NFKB1: variants seen among roughly 807,000 people sequenced by gnomAD.
NFKB1 encodes the protein nuclear factor NF-kappa-B p105 subunit.
In NFKB1, 9 loss-of-function variants were observed where a neutral mutation model predicts 105.1. The observed-to-expected ratio is 0.09, with a 90% CI of 0.05 to 0.15. The LOEUF is 0.15. NFKB1 is among the 10% of genes least tolerant of loss of function. The probability of loss-of-function intolerance (pLI) is 1.00; values close to 1 mark genes in which losing one functional copy is unlikely to be tolerated. For synonymous variants in NFKB1, 440 were observed against 442.2 expected, an observed-to-expected ratio of 1.00 and a Z score of 0.06; for missense variants, 830 against 1,203.7, an observed-to-expected ratio of 0.69 and a Z score of 4.59.
chr4:102,539,694 C>G (rs28591630), intron 5 of NFKB1, among the ~76,000 whole-genome samples: 14 of 152,100 alleles, frequency 9.2e-5, no homozygotes, highest in Non-Finnish European at 1.8e-4. Flanking sequence ...TTAGAAATCT[C>G]AGTAGGTAAA....
chr4:102,533,855 A>G lies in NFKB1; in HGVS notation c.129A>G (p.Pro43=). 3 of 1,612,484 alleles carry G rather than the reference A, an allele frequency of 1.9e-6. No homozygotes were observed. Among genetic ancestry groups the G allele is most frequent in the African/African-American group, 2.7e-5 (2 of 74,958 alleles). The change falls in exon 4 of 24, where the codon CCA becomes CCG. Residue 43 remains proline (P), a synonymous_variant. Coordinates refer to ENST00000226574, the MANE Select transcript of NFKB1 (RefSeq NM_003998.4). ...PQMALPTADG[P]YLQILEQPKQ... ...TGTTTTTGTTTTTAGCAGATGGCCCATACCTTCAAATATTAGAGCAACCTA... is the reference window on the plus strand; with the variant it reads ...TGTTTTTGTTTTTAGCAGATGGCCCGTACCTTCAAATATTAGAGCAACCTA...
intron 1 of NFKB1, among the ~76,000 whole-genome samples, chr4:102,514,607 T>TA (rs1232466546): frequency 6.6e-6 from 1 of 152,220 alleles, no homozygotes. Context: ...GCTATTCTGT[T>TA]ATAGCAGCAT....
chr4:102,574,248 A>T (rs1408730196), intron 6 of NFKB1, among the ~76,000 whole-genome samples: 11 of 151,548 alleles, frequency 7.3e-5, no homozygotes, highest in Admixed American at 2.6e-4. Context: ...TATCAGAGAG[A>T]CCAGAGAAAC....
intron 1 of NFKB1, among the ~76,000 whole-genome samples, chr4:102,511,681 G>GAA (rs111514455): frequency 6.8e-6 from 1 of 147,476 alleles, no homozygotes; most frequent in Non-Finnish European, 1.5e-5. Context: ...CTCAAAAAAG[G>GAA]AAAAAAAAAA....
chr4:102,581,393 T>C (rs775793585), intron 9 of NFKB1, among the ~76,000 whole-genome samples: 30 of 152,264 alleles, frequency 2.0e-4, no homozygotes, highest in Non-Finnish European at 2.9e-5. Context: ...AAAAGACATG[T>C]GGCTTTTAAA....
chr4:102,513,131 A>G (rs1434758986), intron 1 of NFKB1, among the ~76,000 whole-genome samples: 1 of 152,224 alleles, frequency 6.6e-6, no homozygotes, highest in African/African-American at 2.4e-5. Flanking sequence ...GTAGCATTAG[A>G]AATGTAGACG....
intron 1 of NFKB1, among the ~76,000 whole-genome samples, chr4:102,511,473 G>A (rs1739776304): frequency 6.6e-6 from 1 of 152,170 alleles, no homozygotes; most frequent in Non-Finnish European, 1.5e-5. Flanking sequence ...CCAGGAATTT[G>A]AGACCAGCAT....
At chr4:102,526,734 T>G (rs1334134853) in intron 2 of NFKB1, among the ~76,000 whole-genome samples, 1 of 152,174 alleles carries the variant, frequency 6.6e-6, no homozygotes, top group Non-Finnish European at 1.5e-5. Context: ...GAATGTGCTT[T>G]GTAAGCATAA....
At chr4:102,611,630 A>C (rs1292278802) in intron 20 of NFKB1, among the ~76,000 whole-genome samples, 1 of 152,198 alleles carries the variant, frequency 6.6e-6, no homozygotes, top group African/African-American at 2.4e-5. Flanking sequence ...AAGTTTATAC[A>C]ATTCATTCTC....
At chr4:102,557,024 G>A (rs1027411950) in intron 5 of NFKB1, 1 of 152,156 alleles carries the variant, frequency 6.6e-6, no homozygotes, top group Admixed American at 6.6e-5. Flanking sequence ...AAAACAGAAT[G>A]GTTAGCCCTG....
chr4:102,561,011 G>A (rs942240965), intron 5 of NFKB1, among the ~76,000 whole-genome samples: 3 of 152,162 alleles, frequency 2.0e-5, no homozygotes, highest in Admixed American at 2.0e-4. Context: ...GGGAAAAGCT[G>A]GGATTGGATC....
intron 4 of NFKB1, among the ~76,000 whole-genome samples, chr4:102,535,669 GA>G (rs572758509): frequency 6.6e-6 from 1 of 152,232 alleles, no homozygotes; most frequent in South Asian, 2.1e-4. Context: ...CAATGCATTT[GA>G]CGACATCTTC....
At chr4:102,596,009 A>G (rs901632768) in intron 13 of NFKB1, 129 bp from the exon 14 acceptor site, 9 of 518,012 alleles carry the variant, frequency 1.7e-5, no homozygotes, top group African/African-American at 1.7e-4. Context: ...AAAGAATTTT[A>G]AATTATTATT....
chr4:102,614,867 A>G (rs4648128), intron 23 of NFKB1, among the ~76,000 whole-genome samples: 4,291 of 152,154 alleles, frequency 0.028, 77 homozygotes, highest in Non-Finnish European at 0.042. Context: ...AATACTGGCT[A>G]CATCTGTCAG....
At chr4:102,524,491 A>G (rs2149111954) in intron 1 of NFKB1, among the ~76,000 whole-genome samples, 1 of 152,288 alleles carries the variant, frequency 6.6e-6, no homozygotes, top group South Asian at 2.1e-4. Context: ...GGCATCAGGG[A>G]CCAGTTTCGT....
At chr4:102,611,533 G>C (rs1312472777) in intron 20 of NFKB1, among the ~76,000 whole-genome samples, 1 of 152,236 alleles carries the variant, frequency 6.6e-6, no homozygotes, top group East Asian at 1.9e-4. Context: ...TTTAGCCTAA[G>C]ACAATTCTGG....
intron 5 of NFKB1, among the ~76,000 whole-genome samples, chr4:102,550,052 A>T (rs2149141918): frequency 6.6e-6 from 1 of 152,070 alleles, no homozygotes; most frequent in Non-Finnish European, 1.5e-5. Context: ...TGGTTTTTTT[A>T]AAAGAGCTTT....
intron 19 of NFKB1, among the ~76,000 whole-genome samples, chr4:102,608,430 C>T (rs1244854710): frequency 6.6e-6 from 1 of 152,220 alleles, no homozygotes; most frequent in East Asian, 1.9e-4. Flanking sequence ...AATCACACTT[C>T]GGCAGTGTGA....
chr4:102,610,031 A>G (rs370916418), intron 19 of NFKB1, among the ~76,000 whole-genome samples: 4 of 152,228 alleles, frequency 2.6e-5, no homozygotes, highest in Non-Finnish European at 1.5e-5. Flanking sequence ...AAATATTTCA[A>G]TAATTATACA....
Sources: gnomAD v4.1 joint callset for allele counts (sites outside exome capture counted in the v4.1 genomes callset) on GRCh38, gnomAD v4.1.1 for gene constraint, MANE v1.5 for transcripts, NCBI Gene and HGNC (gene_info 2026-07-23, HGNC 2026-07-21) for gene names.